ATP2A3: variants seen among roughly 807,000 people sequenced by gnomAD.
The protein encoded by ATP2A3 is sarcoplasmic/endoplasmic reticulum calcium ATPase 3.
In ATP2A3, 61 loss-of-function variants were observed where a neutral mutation model predicts 106.8. The observed-to-expected ratio is 0.57, with a 90% CI of 0.46 to 0.71. ATP2A3 has a LOEUF of 0.71. Ranked by LOEUF, ATP2A3 falls within the 30% of genes least tolerant of loss-of-function variation. ATP2A3 has a pLI of 0.00. For missense variants in ATP2A3, 1,201 were observed against 1,423.5 expected, an observed-to-expected ratio of 0.84 and a Z score of 2.52; for synonymous variants, 611 against 609.3, an observed-to-expected ratio of 1.00 and a Z score of -0.04.
rs1244918096 is a variant in ATP2A3 at position 3,964,319 on chromosome 17, C to T, written c.-28G>A. On this transcript the variant is annotated 5_prime_UTR_variant, in exon 1 of 21. Transcript: ENST00000397041. ...CGCCCGCCCGGCCGTCTGCGCCGTCCGCACCGTCGAGGCCGCCTCTCCGCC... is the reference window on the plus strand; with the variant it reads ...CGCCCGCCCGGCCGTCTGCGCCGTCTGCACCGTCGAGGCCGCCTCTCCGCC... 3.4e-6 allele frequency: 4 copies of T among 1,181,352 alleles called. No homozygotes were observed. The highest frequency in any genetic ancestry group is 4.0e-5 in the Admixed American group (1 of 24,722). 73.2% of individuals were successfully genotyped at this position (1,181,352 alleles called of 1,614,324 possible).
rs2055318289 is a variant in ATP2A3, at chr17:3,964,301, CCGGCCGTCTGCGCCGTCCGCA to C, written c.-31_-11del. The C allele has an allele frequency of 1.6e-6, 2 of 1,248,220 alleles. No homozygotes were observed. The highest frequency in any genetic ancestry group is 2.0e-6 in the Non-Finnish European group (2 of 982,210). The allele number at this position is 1,248,220 out of a possible 1,614,324, so 77.3% of individuals were successfully genotyped here. ...GATGCGCCGCCTCCATGCCGCCCGC[CCGGCCGTCTGCGCCGTCCGCA>C]CCGTCGAGGCCGCCTCTCCGCCGGG... On this transcript the variant is annotated 5_prime_UTR_variant, in exon 1 of 21. Coordinates refer to ENST00000397041, the MANE Select transcript of ATP2A3 (RefSeq NM_005173.4).
In ATP2A3 at chr17:3,964,200, C is replaced by T; in HGVS notation, c.92G>A (p.Gly31Asp). The T allele has an allele frequency of 8.0e-7, 1 of 1,251,110 alleles. No homozygotes were observed. The highest frequency in any genetic ancestry group is 1.9e-5 in the South Asian group (1 of 51,998). 77.5% of individuals were successfully genotyped at this position (1,251,110 alleles called of 1,614,324 possible). A position where few individuals can be genotyped will look rare whatever the true frequency, so the allele number is the denominator to read the frequency against. The change falls in exon 1 of 21, where the codon GGC becomes GAC. Residue 31 changes from glycine to aspartate, a missense_variant. Transcript: ENST00000397041. ...GTTGGGGCCGTAGCGCTCCCGCGCG[C>T]CGGTCACCTGCGCCGGGCTCAGGCC... ...EGGLSPAQVT[G>D]ARERYGPNEL...
intron 14 of ATP2A3, among the ~76,000 whole-genome samples, chr17:3,938,694 C>A (rs1349475238): frequency 6.6e-6 from 1 of 151,870 alleles, no homozygotes; most frequent in Non-Finnish European, 1.5e-5. Context: ...TATAGGCATG[C>A]ACCAGCTAAT....
In ATP2A3 at chr17:3,944,688, A is replaced by G. The variant is rs1567702186; in HGVS notation, c.1287+16T>C. The G allele has an allele frequency of 6.2e-7, 1 of 1,610,810 alleles. No homozygotes were observed. On this transcript the variant is annotated intron_variant, in intron 10 of 20. Transcript: ENST00000397041. ...GCCTGGATACTAGGGAGGTCATGAA[A>G]GGGGGTGAGGCCCACCTCGTTGTAG...
intron 17 of ATP2A3, among the ~76,000 whole-genome samples, chr17:3,932,696 T>A (rs2053176893): frequency 6.6e-6 from 1 of 152,108 alleles, no homozygotes; most frequent in East Asian, 1.9e-4. Context: ...CGCCTTGGCA[T>A]CCCAGAGTGC....
chr17:3,927,400 C>T, intron 20 of ATP2A3: 1 of 985,472 alleles, frequency 1.0e-6, no homozygotes, highest in Non-Finnish European at 1.2e-6. Flanking sequence ...GACAAGCCAC[C>T]TGAGCTGTCA....
chr17:3,964,275 A>C lies in ATP2A3; in HGVS notation c.17T>G (p.Leu6Arg), dbSNP rs1032556310. 7.8e-6 allele frequency: 10 copies of C among 1,278,814 alleles called. No individual in the cohort carries two copies. The highest frequency in any genetic ancestry group is 3.1e-4 in the Middle Eastern group (1 of 3,272). 79.2% of individuals were successfully genotyped at this position (1,278,814 alleles called of 1,614,324 possible). MEAAHLLPAADVLRHF... is the reference protein window; with the variant it reads MEAAHRLPAADVLRHF... ...GCGCAGCACGTCGGCGGCCGGGAGC[A>C]GATGCGCCGCCTCCATGCCGCCCGC... The change falls in exon 1 of 21, where the codon CTG becomes CGG. Residue 6 changes from leucine (L) to arginine (R), a missense_variant. This residue lies in a region of ATP2A3 where 266 missense variants were observed against 246.8 expected (regional missense o/e 1.08). Transcript: ENST00000397041.
chr17:3,942,560 T>C (rs774172511), intron 12 of ATP2A3, 46 bp downstream of exon 12: 3 of 1,597,464 alleles, frequency 1.9e-6, no homozygotes, highest in Admixed American at 3.3e-5. Context: ...GATGACCAGG[T>C]TCCCCAGGGC....
In ATP2A3 at chr17:3,953,492, G is replaced by A. The variant is rs891151659; in HGVS notation, c.137-63C>T. ...CACTGACCCTGCCCACTCAGAGCTG[G>A]GATGGCCCGGGAGACCTCCCGGCCC... On this transcript the variant is annotated intron_variant, in intron 2 of 20. Transcript: ENST00000397041. The surrounding 1 kb of genome is among the most constrained non-coding windows in gnomAD (Gnocchi z 5.1). 32 of 1,579,510 alleles carry A rather than the reference G, an allele frequency of 2.0e-5. No individual in the cohort carries two copies. In the South Asian group the frequency reaches 3.2e-4, roughly 16 times the overall value.
chr17:3,935,124 C>T, intron 17 of ATP2A3, 68 bp downstream of exon 17: 2 of 1,522,558 alleles, frequency 1.3e-6, no homozygotes, highest in African/African-American at 1.4e-5. Flanking sequence ...GCTCTAGACC[C>T]ATCTCCCCTG....
intron 20 of ATP2A3, chr17:3,927,502 C>T (rs145400766): frequency 5.1e-6 from 5 of 985,298 alleles, no homozygotes; most frequent in South Asian, 4.7e-5. Flanking sequence ...TGGTCAAGGG[C>T]GGCTGGAGGA....
chr17:3,944,882 A>G, intron 9 of ATP2A3, 76 bp from the exon 10 acceptor site: 2 of 875,914 alleles, frequency 2.3e-6, no homozygotes, highest in African/African-American at 2.0e-5. Flanking sequence ...CCCCGCCCCT[A>G]GGAGGGGGCT....
chr17:3,962,589 C>T (rs1050845161), intron 1 of ATP2A3, among the ~76,000 whole-genome samples: 3 of 152,180 alleles, frequency 2.0e-5, no homozygotes, highest in Admixed American at 1.3e-4. Flanking sequence ...TCAGTTCACA[C>T]AGGTGTGCGC....
intron 17 of ATP2A3, among the ~76,000 whole-genome samples, chr17:3,933,949 C>T (rs971757527): frequency 2.0e-5 from 3 of 150,488 alleles, no homozygotes; most frequent in Non-Finnish European, 4.4e-5. Flanking sequence ...TTTGAGACTG[C>T]GTCTTGCTCT....
Position 3,942,634 on chromosome 17 carries a change from G to A in ATP2A3, c.1517C>T (p.Thr506Ile). 1 of 1,612,824 alleles carries A rather than the reference G, an allele frequency of 6.2e-7. No homozygotes were observed. The highest frequency in any genetic ancestry group is 8.5e-7 in the Non-Finnish European group (1 of 1,179,858). The change falls in exon 12 of 21, where the codon ACT becomes ATT. Residue 506 changes from threonine (T) to isoleucine (I), a missense_variant. Transcript: ENST00000397041. ...VYCTPTRPHP[T>I]GQGSKMFVKG... is the part of the protein sequence containing the mutation. ...CACAAACATCTTGCTGCCCTGGCCA[G>A]TAGGGTGAGGGCGGGTGGGCGTGCA...
chr17:3,957,754 TC>T (rs2054864647), intron 1 of ATP2A3, among the ~76,000 whole-genome samples: 1 of 152,190 alleles, frequency 6.6e-6, no homozygotes, highest in Admixed American at 6.5e-5. Context: ...CTGAGATAGT[TC>T]CCCTTGAAAT....
At chr17:3,941,739 T>C in intron 12 of ATP2A3, 85 bp from the exon 13 acceptor site, 1 of 1,450,394 alleles carries the variant, frequency 6.9e-7, no homozygotes, top group Non-Finnish European at 9.4e-7. Flanking sequence ...AAACTGAGAC[T>C]AAGATACGGG....
In ATP2A3 at chr17:3,944,860, TCCGCC is replaced by T. The variant is rs1567703013; in HGVS notation, c.1185-59_1185-55del. 48 of 943,556 alleles carry T rather than the reference TCCGCC, an allele frequency of 5.1e-5. 1 individual carries two copies. In the African/African-American group the frequency reaches 8.3e-4, roughly 16 times the overall value. 58.4% of individuals were successfully genotyped at this position (943,556 alleles called of 1,614,324 possible). On this transcript the variant is annotated intron_variant, in intron 9 of 20. Coordinates refer to ENST00000397041, the MANE Select transcript of ATP2A3 (RefSeq NM_005173.4). ...ACCTCGGCTCCGCCCCCGAGAGGGG[TCCGCC>T]TCTTGGCCCCGCCCCTAGGAGGGGG... is the stretch of plus-strand genomic sequence containing the variant.
intron 8 of ATP2A3, among the ~76,000 whole-genome samples, chr17:3,946,748 G>A (rs1395111807): frequency 6.6e-6 from 1 of 152,160 alleles, no homozygotes; most frequent in Non-Finnish European, 1.5e-5. Context: ...TGGAAGCAGG[G>A]GTGACAGAGA....
Sources: allele counts gnomAD v4.1 joint callset (sites outside exome capture counted in the v4.1 genomes callset), GRCh38; gene constraint gnomAD v4.1.1; regional missense constraint gnomAD v4.1.1; non-coding constraint Gnocchi (gnomAD v3.1); transcripts MANE v1.5; gene names NCBI Gene and HGNC (gene_info 2026-07-23, HGNC 2026-07-21).